Variants in PRKCE observed in about 807,000 individuals in gnomAD.
PRKCE encodes protein kinase C epsilon type.
In PRKCE, 16 loss-of-function variants were observed where a neutral mutation model predicts 85.4. That is an observed-to-expected ratio of 0.19 (90% CI 0.13 to 0.28). The LOEUF is 0.28. Among genes scored for constraint, PRKCE ranks in the 10% least tolerant of loss-of-function variants. The pLI, the probability that PRKCE is intolerant of heterozygous loss-of-function variation, is 1.00. For synonymous variants in PRKCE, 388 were observed against 371.5 expected, an observed-to-expected ratio of 1.04 and a Z score of -0.51; for missense variants, 573 against 975.2, an observed-to-expected ratio of 0.59 and a Z score of 5.49.
At chr2:46,153,171 AT>A (rs1253895310) in intron 13 of PRKCE, among the ~76,000 whole-genome samples, 1 of 152,206 alleles carries the variant, frequency 6.6e-6, no homozygotes, top group Non-Finnish European at 1.5e-5. Context: ...ATCCTGTGGA[AT>A]TATTTATTAT....
chr2:46,106,514 C>A (rs1047352036), intron 11 of PRKCE, among the ~76,000 whole-genome samples: 1 of 152,180 alleles, frequency 6.6e-6, no homozygotes, highest in Admixed American at 6.5e-5. Context: ...AATGTATTTT[C>A]TCATAGTTCT....
At chr2:45,900,056 A>G (rs1301269399) in intron 2 of PRKCE, among the ~76,000 whole-genome samples, 4 of 152,172 alleles carry the variant, frequency 2.6e-5, no homozygotes, top group Non-Finnish European at 5.9e-5. Context: ...GCTAATCTAT[A>G]ACAGATTTAA....
At chr2:45,955,855 A>G (rs1700939879) in intron 2 of PRKCE, among the ~76,000 whole-genome samples, 2 of 152,154 alleles carry the variant, frequency 1.3e-5, no homozygotes, top group Non-Finnish European at 2.9e-5. Context: ...GCATATAGTT[A>G]TTTGAGTTTT....
chr2:45,843,289 G>A (rs1188459499), intron 2 of PRKCE, among the ~76,000 whole-genome samples: 1 of 152,248 alleles, frequency 6.6e-6, no homozygotes, highest in African/African-American at 2.4e-5. Context: ...TACCAAGTGA[G>A]GCCAATAAAA....
chr2:45,758,859 C>T (rs1041245356), intron 1 of PRKCE, among the ~76,000 whole-genome samples: 3 of 152,162 alleles, frequency 2.0e-5, no homozygotes, highest in African/African-American at 7.2e-5. Context: ...GTCTTCAGGC[C>T]TCAGCCTCCT....
chr2:46,020,848 C>A (rs928069862), intron 10 of PRKCE, among the ~76,000 whole-genome samples: 1 of 152,156 alleles, frequency 6.6e-6, no homozygotes, highest in Non-Finnish European at 1.5e-5. Context: ...GAAGGAGAGA[C>A]GTATTTATTG....
chr2:45,974,042 C>G (rs1336300352), intron 2 of PRKCE, among the ~76,000 whole-genome samples: 1 of 152,142 alleles, frequency 6.6e-6, no homozygotes, highest in Non-Finnish European at 1.5e-5. Flanking sequence ...CATCCTGTGT[C>G]CTATGATGCC....
chr2:45,998,953 T>C (rs1704444671), intron 6 of PRKCE, among the ~76,000 whole-genome samples: 1 of 152,198 alleles, frequency 6.6e-6, no homozygotes, highest in Non-Finnish European at 1.5e-5. Context: ...AAGTACCTTA[T>C]AATAACAAAA....
At chr2:45,720,339 G>T (rs1680509520) in intron 1 of PRKCE, among the ~76,000 whole-genome samples, 1 of 152,166 alleles carries the variant, frequency 6.6e-6, no homozygotes, top group South Asian at 2.1e-4. Flanking sequence ...AGGTTGGCGG[G>T]GGCGGTAGGG....
In PRKCE at chr2:45,979,084, G is replaced by A. The variant is rs187342093; in HGVS notation, c.607+74G>A. On this transcript the variant is annotated intron_variant, in intron 4 of 14. Transcript: ENST00000306156. ...AGATCACTGGCACCCATAGGAGGCA[G>A]GTGCTCAGTCTGATGACATTTGGAG... 5 of 1,424,382 alleles carry A rather than the reference G, an allele frequency of 3.5e-6. No individual in the cohort carries two copies. The Admixed American group carries it at 8.7e-5, about 25-fold the overall frequency. 88.2% of individuals were successfully genotyped at this position (1,424,382 alleles called of 1,614,324 possible).
rs896909034 is a variant in PRKCE at position 45,781,390 on chromosome 2, G to A, written c.349-61610G>A. ...TCTGACTCCTGCTTACCACCCTATC[G>A]CAGGGAGTCCAACCTCAGCCCTGTT... is the stretch of plus-strand genomic sequence containing the variant. On this transcript the variant is annotated intron_variant, in intron 1 of 14. Transcript: ENST00000306156. Among the ~76,000 whole-genome samples the A allele has an allele frequency of 4.6e-5, 7 of 152,278 alleles. No homozygotes were observed. In the South Asian group the frequency reaches 6.2e-4, roughly 14 times the overall value.
At chr2:45,700,399 G>A (rs1464148269) in intron 1 of PRKCE, 4 of 152,216 alleles carry the variant, frequency 2.6e-5, no homozygotes, top group African/African-American at 9.7e-5. Flanking sequence ...GTCAGAGAGG[G>A]CTCCTTGGTC....
intron 2 of PRKCE, among the ~76,000 whole-genome samples, chr2:45,849,562 G>A (rs1370824993): frequency 6.6e-6 from 1 of 152,156 alleles, no homozygotes; most frequent in Non-Finnish European, 1.5e-5. Flanking sequence ...TTCCCAAACA[G>A]GGGACCTCAA....
At chr2:46,014,212 GTGT>G (rs1705932044) in intron 10 of PRKCE, among the ~76,000 whole-genome samples, 1 of 152,182 alleles carries the variant, frequency 6.6e-6, no homozygotes, top group Non-Finnish European at 1.5e-5. Flanking sequence ...TCAAACCAGT[GTGT>G]CTTTGGGATG....
chr2:45,982,682 T>C (rs1346912047), intron 5 of PRKCE, among the ~76,000 whole-genome samples: 1 of 152,208 alleles, frequency 6.6e-6, no homozygotes, highest in African/African-American at 2.4e-5. Context: ...CCTGCACACA[T>C]GCCGTCTTTG....
At chr2:45,825,798 A>G (rs1240160018) in intron 1 of PRKCE, among the ~76,000 whole-genome samples, 1 of 152,128 alleles carries the variant, frequency 6.6e-6, no homozygotes, top group Non-Finnish European at 1.5e-5. Flanking sequence ...TGAGGCAGGA[A>G]GATCACTTGA....
At chr2:45,889,565 G>C (rs1695560125) in intron 2 of PRKCE, among the ~76,000 whole-genome samples, 1 of 151,252 alleles carries the variant, frequency 6.6e-6, no homozygotes, top group African/African-American at 2.4e-5. Context: ...ACTGGCTGTT[G>C]GTGGGGTGGG....
chr2:46,148,469 C>T (rs1676297890), intron 12 of PRKCE, among the ~76,000 whole-genome samples: 1 of 152,328 alleles, frequency 6.6e-6, no homozygotes, highest in East Asian at 1.9e-4. Context: ...TCAGCACACA[C>T]AAGCCACCTT....
At chr2:46,156,849 C>T (rs1476897275) in intron 13 of PRKCE, among the ~76,000 whole-genome samples, 1 of 152,210 alleles carries the variant, frequency 6.6e-6, no homozygotes, top group African/African-American at 2.4e-5. Flanking sequence ...CTGTCTCATC[C>T]TTGCTTCCAT....
Sources: gnomAD v4.1 joint callset for allele counts (sites outside exome capture counted in the v4.1 genomes callset) on GRCh38, gnomAD v4.1.1 for gene constraint, MANE v1.5 for transcripts, NCBI Gene and HGNC (gene_info 2026-07-23, HGNC 2026-07-21) for gene names.